Variants in CCDC117 observed in about 807,000 individuals in gnomAD.
CCDC117 encodes coiled-coil domain containing 117, also known as coiled-coil domain-containing protein 117.
CCDC117 carries 1 observed loss-of-function variant against 23.5 expected under a neutral mutation model. That is an observed-to-expected ratio of 0.04 (90% CI 0.02 to 0.20). The LOEUF (loss-of-function observed/expected upper bound fraction) is 0.20. CCDC117 is among the 10% of genes least tolerant of loss of function. CCDC117 has a pLI of 1.00. For synonymous variants in CCDC117, 132 were observed against 124.8 expected (o/e 1.06, Z -0.39); for missense variants, 383 against 348.2 (o/e 1.10, Z -0.80).
chr22:28,772,831 C>A lies in CCDC117; in HGVS notation c.-19C>A. The A allele has an allele frequency of 8.2e-7, 1 of 1,224,574 alleles. No individual in the cohort carries two copies. Among genetic ancestry groups the A allele is most frequent in the Non-Finnish European group, 1.0e-6 (1 of 982,944 alleles). 75.9% of individuals were successfully genotyped at this position (1,224,574 alleles called of 1,614,324 possible). ...CGGGCGGCCGAGGCCGCCGTCGCAG[C>A]CTCCTCGTCTCGCCGGCTATGGCTG... On this transcript the variant is annotated 5_prime_UTR_variant, in exon 1 of 5. Transcript: ENST00000249064.
chr22:28,773,622 T>G, intron 1 of CCDC117, 103 bp from the exon 2 acceptor site: 1 of 894,832 alleles, frequency 1.1e-6, no homozygotes, highest in Non-Finnish European at 1.8e-6. Context: ...AAGGGACGTT[T>G]GGTATGTGGG....
rs759569360 is a variant in CCDC117, at chr22:28,786,160, C to T, written c.674C>T (p.Ser225Phe). ...CTCCTTTCTGATAAGCCAAAGCCAT[C>T]CTCTAATACTAAGAACTATACAGGA... ...PELLSDKPKP[S>F]SNTKNYTGES... Residue 225 changes from serine to phenylalanine, a missense_variant, in exon 5 of 5, where the codon TCC becomes TTC. Ser to Phe is a radical substitution (Grantham distance 155). Transcript: ENST00000249064. 6 of 1,614,134 alleles carry T rather than the reference C, an allele frequency of 3.7e-6. No individual in the cohort carries two copies. The highest frequency in any genetic ancestry group is 3.3e-5 in the South Asian group (3 of 91,084).
rs1448976382 is a variant in CCDC117, at chr22:28,787,809, A to T, written c.*1483A>T. 6.6e-6 allele frequency: 1 copy of T among 152,340 alleles called. No homozygotes were observed. Among genetic ancestry groups the T allele is most frequent in the African/African-American group, 2.4e-5 (1 of 41,456 alleles). The allele number at this position is 152,340 out of a possible 1,614,324, so 9.4% of individuals were successfully genotyped here. ...GTATAATGCCCTTCCATCACACAACAGGACACCACCCCAGTTTTGTTTTCT... is the reference window on the plus strand; with the variant it reads ...GTATAATGCCCTTCCATCACACAACTGGACACCACCCCAGTTTTGTTTTCT... On this transcript the variant is annotated 3_prime_UTR_variant, in exon 5 of 5. Coordinates refer to ENST00000249064, the MANE Select transcript of CCDC117 (RefSeq NM_173510.4).
intron 3 of CCDC117, among the ~76,000 whole-genome samples, chr22:28,782,469 C>G (rs369834055): frequency 6.6e-6 from 1 of 151,456 alleles, no homozygotes; most frequent in East Asian, 1.9e-4. Context: ...GACAGAGTCT[C>G]GCTCTGTTGC....
chr22:28,774,928 A>AT (rs1285300891), intron 2 of CCDC117, among the ~76,000 whole-genome samples: 1 of 152,116 alleles, frequency 6.6e-6, no homozygotes, highest in East Asian at 1.9e-4. Flanking sequence ...AGCTTGTTGC[A>AT]TATCAGCACA....
At chr22:28,778,866 T>C (rs917894795) in intron 2 of CCDC117, among the ~76,000 whole-genome samples, 2 of 152,198 alleles carry the variant, frequency 1.3e-5, no homozygotes, top group African/African-American at 4.8e-5. Flanking sequence ...AAAGTGGACC[T>C]ACAGGCATGA....
intron 4 of CCDC117, among the ~76,000 whole-genome samples, chr22:28,784,258 G>A (rs1433772790): frequency 6.6e-6 from 1 of 152,232 alleles, no homozygotes; most frequent in East Asian, 1.9e-4. Flanking sequence ...TGACTACACT[G>A]TGAGGACAAG....
intron 4 of CCDC117, among the ~76,000 whole-genome samples, chr22:28,785,463 C>T (rs1037180156): frequency 6.6e-6 from 1 of 152,224 alleles, no homozygotes; most frequent in African/African-American, 2.4e-5. Flanking sequence ...GCTAGGATTA[C>T]AGGCATGAGC....
At chr22:28,783,381 C>T in intron 3 of CCDC117, 127 bp from the exon 4 acceptor site, 3 of 835,220 alleles carry the variant, frequency 3.6e-6, no homozygotes, top group Admixed American at 2.8e-5. Context: ...TCATTTTTTG[C>T]TTGTTCTATT....
Position 28,781,170 on chromosome 22 carries a change from C to G in CCDC117, c.462C>G (p.Asp154Glu), listed in dbSNP as rs151049770. The G allele has an allele frequency of 6.2e-7, 1 of 1,600,176 alleles. No individual in the cohort carries two copies. The highest frequency in any genetic ancestry group is 8.6e-7 in the Non-Finnish European group (1 of 1,167,940). The change falls in exon 3 of 5, where the codon GAC becomes GAG. Residue 154 changes from aspartate (D) to glutamate (E), a missense_variant and splice_region_variant. By Grantham distance (45) the Asp-to-Glu change is conservative. Transcript: ENST00000249064. ...VARRKLQEIE[D>E]RIIDEDEEVE... ...GAAGGAAGCTTCAGGAGATTGAGGA[C>G]AGGTAAATGGGCAGTGTATATAGCT...
chr22:28,772,732 TG>T lies in CCDC117; in HGVS notation c.-114del, dbSNP rs778720828. 6.7e-4 allele frequency: 522 copies of T among 773,448 alleles called. 3 individuals carry two copies. The highest frequency in any genetic ancestry group is 8.3e-4 in the Non-Finnish European group (478 of 578,888). 47.9% of individuals were successfully genotyped at this position (773,448 alleles called of 1,614,324 possible). ...GTGGAGGGTTCTAGAAGGCGTGACG[TG>T]GGGTCGAGAGCGGGATCCGAGGCTG... On this transcript the variant is annotated 5_prime_UTR_variant, in exon 1 of 5. Coordinates refer to ENST00000249064, the MANE Select transcript of CCDC117 (RefSeq NM_173510.4).
At chr22:28,781,330 G>GTTTTTTT (rs1404977996) in intron 3 of CCDC117, among the ~76,000 whole-genome samples, 158 bp downstream of exon 3, 26 of 37,624 alleles carry the variant, frequency 6.9e-4, no homozygotes, top group South Asian at 1.2e-3. Context: ...TTGTTTTTTT[G>GTTTTTTT]TTTTGTTTTT....
chr22:28,785,937 AAAAAG>A lies in CCDC117; in HGVS notation c.603-148_603-144del, dbSNP rs1000643713. The A allele has an allele frequency of 4.9e-4, 297 of 611,608 alleles. 2 individuals are homozygous for A. In the East Asian group the frequency reaches 7.5e-3, roughly 16 times the overall value. 37.9% of individuals were successfully genotyped at this position (611,608 alleles called of 1,614,324 possible). On this transcript the variant is annotated intron_variant, in intron 4 of 4. Coordinates refer to ENST00000249064, the MANE Select transcript of CCDC117 (RefSeq NM_173510.4). ...GACCCCATCTCTTAAAAAAAAAAAA[AAAAAG>A]AAAGTAAAGATCAGTTTGTGTGTTC...
rs1347203184 is a variant in CCDC117, at chr22:28,774,085, T to TG, written c.239+310dup. Among the ~76,000 whole-genome samples, 14 of 151,364 alleles carry TG rather than the reference T, an allele frequency of 9.2e-5. No homozygotes were observed. The South Asian group carries it at 2.1e-3, about 23-fold the overall frequency. ...TTTTGTTTTTGTTTTTTTTTTTTTT[T>TG]GGGACGGAGTCTGCCTCTGTCGCCC... On this transcript the variant is annotated intron_variant, in intron 2 of 4. Coordinates refer to ENST00000249064, the MANE Select transcript of CCDC117 (RefSeq NM_173510.4).
rs2031023760 is a variant in CCDC117 at position 28,772,822 on chromosome 22, C to T, written c.-28C>T. ...CTGGGGACGCGGGCGGCCGAGGCCG[C>T]CGTCGCAGCCTCCTCGTCTCGCCGG... On this transcript the variant is annotated 5_prime_UTR_variant, in exon 1 of 5. Transcript: ENST00000249064. The T allele has an allele frequency of 1.6e-6, 2 of 1,221,932 alleles. No homozygotes were observed. The highest frequency in any genetic ancestry group is 2.0e-6 in the Non-Finnish European group (2 of 981,248). 75.7% of individuals were successfully genotyped at this position (1,221,932 alleles called of 1,614,324 possible). A position where few individuals can be genotyped will look rare whatever the true frequency, so the allele number is the denominator to read the frequency against.
chr22:28,786,204 G>T lies in CCDC117; in HGVS notation c.718G>T (p.Val240Leu). The T allele has an allele frequency of 6.2e-7, 1 of 1,614,138 alleles. No individual in the cohort carries two copies. The highest frequency in any genetic ancestry group is 1.3e-5 in the African/African-American group (1 of 75,044). The stretch of plus-strand genomic sequence containing the variant: ...TACAGGAGAGAGCCAAGCTAAGCAT[G>T]TAGCTGCTGGCACTGCCTTCCCTCA... ...NYTGESQAKH[V>L]AAGTAFPQRT... Residue 240 changes from valine to leucine, a missense_variant, in exon 5 of 5, where the codon GTA becomes TTA. Val to Leu is a conservative substitution (Grantham distance 32, BLOSUM62 1). Transcript: ENST00000249064.
intron 4 of CCDC117, 130 bp downstream of exon 4, chr22:28,783,775 T>C (rs1569199998): frequency 2.3e-6 from 2 of 862,552 alleles, no homozygotes; most frequent in South Asian, 3.4e-5. Context: ...GATTGGCTTT[T>C]TCCTAGTTCA....
At position 28,787,612 on chromosome 22, in the gene CCDC117, T is replaced by A. The variant is rs1218459693; in HGVS notation, c.*1286T>A. On this transcript the variant is annotated 3_prime_UTR_variant, in exon 5 of 5. Coordinates refer to ENST00000249064, the MANE Select transcript of CCDC117 (RefSeq NM_173510.4). ...TTCCTGCTAGCAGGAAGCCTTCATC[T>A]TCTTGAGTACCCAAACCAGGCTTCA... 1 of 152,422 alleles carries A rather than the reference T, an allele frequency of 6.6e-6. No homozygotes were observed. Among genetic ancestry groups the A allele is most frequent in the East Asian group, 1.9e-4 (1 of 5,190 alleles). 9.4% of individuals were successfully genotyped at this position (152,422 alleles called of 1,614,324 possible).
rs960719433 is a variant in CCDC117 at position 28,772,810 on chromosome 22, C to T, written c.-40C>T. The stretch of plus-strand genomic sequence containing the variant: ...CGGCTGCCGGGCCTGGGGACGCGGG[C>T]GGCCGAGGCCGCCGTCGCAGCCTCC... On this transcript the variant is annotated 5_prime_UTR_variant, in exon 1 of 5. Coordinates refer to ENST00000249064, the MANE Select transcript of CCDC117 (RefSeq NM_173510.4). 2 of 1,218,058 alleles carry T rather than the reference C, an allele frequency of 1.6e-6. No individual in the cohort carries two copies. Among genetic ancestry groups the T allele is most frequent in the Non-Finnish European group, 2.0e-6 (2 of 978,582 alleles). The allele number at this position is 1,218,058 out of a possible 1,614,324, so 75.5% of individuals were successfully genotyped here.
Sources: allele counts gnomAD v4.1 joint callset (sites outside exome capture counted in the v4.1 genomes callset), GRCh38; gene constraint gnomAD v4.1.1; transcripts MANE v1.5; gene names NCBI Gene and HGNC (gene_info 2026-07-23, HGNC 2026-07-21).